C2CD2: variants seen among roughly 807,000 people sequenced by gnomAD.
C2CD2 encodes the protein C2 domain-containing protein 2.
C2CD2 carries 43 observed loss-of-function variants against 74.3 expected under a neutral mutation model. That is an observed-to-expected ratio of 0.58 (90% CI 0.45 to 0.75). C2CD2 has a LOEUF of 0.75. C2CD2 is among the 30% of genes least tolerant of loss of function. C2CD2 has a pLI of 0.00. For synonymous variants in C2CD2, 422 were observed against 390.7 expected, an observed-to-expected ratio of 1.08 and a Z score of -0.94; for missense variants, 801 against 916.3, an observed-to-expected ratio of 0.87 and a Z score of 1.63.
intron 7 of C2CD2, among the ~76,000 whole-genome samples, chr21:41,910,592 T>C: frequency 6.6e-6 from 1 of 152,212 alleles, no homozygotes; most frequent in East Asian, 1.9e-4. Flanking sequence ...CAGAAGTTTA[T>C]GGCCATTGGT....
rs2065467496 is a variant in C2CD2, at chr21:41,953,468, C to G, written c.181G>C (p.Asp61His). Residue 61 changes from aspartate (D) to histidine (H), a missense_variant, in exon 1 of 14, where the codon GAC (aspartate) becomes CAC (histidine). Asp to His is a moderately conservative substitution (Grantham distance 81). Coordinates refer to ENST00000380486, the MANE Select transcript of C2CD2 (RefSeq NM_015500.2). The part of the protein sequence containing the change: ...EPGEGPRPGS[D>H]ALLSWILTLG... ...GTCAGGATCCAGGAGAGCAGCGCGT[C>G]GGACCCCGGGCGCGGCCCCTCTCCA... The G allele has an allele frequency of 1.3e-6, 2 of 1,486,514 alleles. No individual in the cohort carries two copies. Among genetic ancestry groups the G allele is most frequent in the Non-Finnish European group, 1.8e-6 (2 of 1,115,522 alleles). The allele number at this position is 1,486,514 out of a possible 1,614,324, so 92.1% of individuals were successfully genotyped here.
In C2CD2 at chr21:41,889,025, C is replaced by T. The variant is rs1377556066; in HGVS notation, c.*99G>A. 6 of 849,304 alleles carry T rather than the reference C, an allele frequency of 7.1e-6. No homozygotes were observed. Among genetic ancestry groups the T allele is most frequent in the African/African-American group, 3.3e-5 (2 of 59,760 alleles). The allele number at this position is 849,304 out of a possible 1,614,324, so 52.6% of individuals were successfully genotyped here. A position where few individuals can be genotyped will look rare whatever the true frequency, so the allele number is the denominator to read the frequency against. On this transcript the variant is annotated 3_prime_UTR_variant, in exon 14 of 14. Transcript: ENST00000380486. The stretch of plus-strand genomic sequence containing the variant: ...GTTGGAAGAAACCCAGCAAGACAAG[C>T]GGGGCATCTGGACATCCGGCGGACA...
rs542255479 is a variant in C2CD2 at position 41,906,970 on chromosome 21, G to A, written c.1318+22C>T. 1.6e-5 allele frequency: 26 copies of A among 1,601,120 alleles called. 1 individual carries two copies. The highest frequency in any genetic ancestry group is 4.5e-5 in the East Asian group (2 of 44,686). ...GCAGGCGTCATGCAGAAAGTTCCTC[G>A]ACTGCGTTCCTGTTGTCTCACCAGA... On this transcript the variant is annotated intron_variant, in intron 10 of 13. Transcript: ENST00000380486.
chr21:41,893,614 G>A (rs1029269067), intron 13 of C2CD2, among the ~76,000 whole-genome samples: 1 of 151,938 alleles, frequency 6.6e-6, no homozygotes, highest in Non-Finnish European at 1.5e-5. Context: ...ACACCCTACC[G>A]AGAGGGGCTG....
chr21:41,912,363 G>C lies in C2CD2; in HGVS notation c.922C>G (p.Pro308Ala), dbSNP rs1308297851. 3 of 1,612,046 alleles carry C rather than the reference G, an allele frequency of 1.9e-6. No homozygotes were observed. The highest frequency in any genetic ancestry group is 2.5e-6 in the Non-Finnish European group (3 of 1,179,526). The change falls in exon 7 of 14, where the codon CCG (proline) becomes GCG (alanine). Residue 308 changes from proline to alanine, a missense_variant. Physicochemically the swap from Pro to Ala is conservative, Grantham distance 27 (BLOSUM62 -1). Coordinates refer to ENST00000380486, the MANE Select transcript of C2CD2 (RefSeq NM_015500.2). ...AATTCCTCTTCCCACATGAGGTCCG[G>C]AGTGTTTTTCGTCAGGGTGCTGGAG... ...RFSSTLTKNT[P>A]DLMWEEEFTF...
At chr21:41,935,433 T>A (rs1391045459) in intron 2 of C2CD2, among the ~76,000 whole-genome samples, 1 of 152,218 alleles carries the variant, frequency 6.6e-6, no homozygotes, top group Non-Finnish European at 1.5e-5. Flanking sequence ...GATTTTATGA[T>A]AATAGCGGAA....
chr21:41,944,204 T>C (rs537463454), intron 1 of C2CD2, among the ~76,000 whole-genome samples: 14 of 152,206 alleles, frequency 9.2e-5, no homozygotes, highest in South Asian at 2.1e-4. Context: ...TGCTACCTTC[T>C]GAATTCAAAC....
At chr21:41,904,247 G>C (rs1429673241) in intron 11 of C2CD2, among the ~76,000 whole-genome samples, 1 of 152,168 alleles carries the variant, frequency 6.6e-6, no homozygotes, top group East Asian at 1.9e-4. Context: ...ATGACAGTTT[G>C]CAACTGCCAT....
intron 13 of C2CD2, among the ~76,000 whole-genome samples, chr21:41,898,747 A>G (rs177933): frequency 0.4 from 61,306 of 152,092 alleles, 12,704 homozygotes; most frequent in African/African-American, 0.48. Flanking sequence ...CATTGTGTAC[A>G]GCTCTTGGTA....
chr21:41,914,144 TGAACC>T (rs776400473), intron 6 of C2CD2, among the ~76,000 whole-genome samples: 3 of 152,064 alleles, frequency 2.0e-5, no homozygotes, highest in Non-Finnish European at 4.4e-5. Context: ...GAGAATCGCT[TGAACC>T]CAGGAGGTGG....
intron 3 of C2CD2, among the ~76,000 whole-genome samples, chr21:41,919,885 G>A (rs1258762293): frequency 2.0e-5 from 3 of 152,212 alleles, no homozygotes; most frequent in African/African-American, 7.2e-5. Context: ...TCAAGATGGG[G>A]AGATGACCCT....
At chr21:41,932,581 GAC>G (rs904276699) in intron 2 of C2CD2, among the ~76,000 whole-genome samples, 2 of 150,534 alleles carry the variant, frequency 1.3e-5, no homozygotes, top group Non-Finnish European at 3.0e-5. Flanking sequence ...TGAACTGTAG[GAC>G]ACCCAGTTGG....
In C2CD2 at chr21:41,926,501, C is replaced by A; in HGVS notation, c.379-4416G>T. The A allele has an allele frequency of 5.8e-6, 4 of 690,976 alleles. No individual in the cohort carries two copies. Among genetic ancestry groups the A allele is most frequent in the Non-Finnish European group, 7.1e-6 (4 of 561,298 alleles). The allele number at this position is 690,976 out of a possible 1,614,324, so 42.8% of individuals were successfully genotyped here. On this transcript the variant is annotated intron_variant, in intron 2 of 13. Coordinates refer to ENST00000380486, the MANE Select transcript of C2CD2 (RefSeq NM_015500.2). The surrounding 1 kb of genome is among the most constrained non-coding windows in gnomAD (Gnocchi z 8.0). ...ACTGAAGGCTGAAGAGCAGGCTGAG[C>A]GGGGAGGCCTTCATTCACCTTCTCG...
At chr21:41,893,339 C>G (rs2064779545) in intron 13 of C2CD2, among the ~76,000 whole-genome samples, 2 of 152,012 alleles carry the variant, frequency 1.3e-5, no homozygotes, top group African/African-American at 4.8e-5. Flanking sequence ...TGCACTCCAG[C>G]CTGGGTGACA....
chr21:41,907,110 A>G lies in C2CD2; in HGVS notation c.1200T>C (p.Pro400=). Residue 400 remains proline, a synonymous_variant, in exon 10 of 14, where the codon CCT becomes CCC. Transcript: ENST00000380486. ...LKSWPIPPPV[P]AAKIEKDRTV... is the part of the protein sequence containing the mutation. ...TGCGGTCCTTTTCTATTTTTGCAGC[A>G]GGAACAGGGGGAGGGATGGGCCAGG... is the stretch of plus-strand genomic sequence containing the variant. The G allele has an allele frequency of 6.2e-7, 1 of 1,614,080 alleles. No homozygotes were observed. The highest frequency in any genetic ancestry group is 8.5e-7 in the Non-Finnish European group (1 of 1,179,894).
intron 5 of C2CD2, among the ~76,000 whole-genome samples, chr21:41,917,138 G>A (rs2065101325): frequency 6.6e-6 from 1 of 152,206 alleles, no homozygotes; most frequent in Non-Finnish European, 1.5e-5. Context: ...GGCTTCGGGA[G>A]GGTGATGGTG....
intron 2 of C2CD2, among the ~76,000 whole-genome samples, chr21:41,941,223 C>T (rs904361533): frequency 9.9e-5 from 15 of 152,142 alleles, no homozygotes; most frequent in East Asian, 7.7e-4. Context: ...TAGCCAGGCA[C>T]GGTGACACGT....
Position 41,914,680 on chromosome 21 carries a change from A to C in C2CD2, c.762T>G (p.Pro254=), listed in dbSNP as rs1189539579. The C allele has an allele frequency of 6.2e-7, 1 of 1,613,576 alleles. No individual in the cohort carries two copies. Among genetic ancestry groups the C allele is most frequent in the East Asian group, 2.2e-5 (1 of 44,876 alleles). The change falls in exon 6 of 14, where the codon CCT becomes CCG. Residue 254 remains proline, a synonymous_variant. Transcript: ENST00000380486. ...GCTCGTGAGCCCTTGGAGGTTTAGG[A>C]GGACAGGATTCCTGAGCAGTAGATG... ...CAASTAQESC[P]PKPPRAHELK...
rs181542907 is a variant in C2CD2, at chr21:41,945,542, G to T, written c.280-3297C>A. ...TGGGCTTGATGGAAGAACACAAGAGGCTACTCTCAAAGGAGCACCCTGATG... is the reference window on the plus strand; with the variant it reads ...TGGGCTTGATGGAAGAACACAAGAGTCTACTCTCAAAGGAGCACCCTGATG... On this transcript the variant is annotated intron_variant, in intron 1 of 13. Transcript: ENST00000380486. The surrounding 1 kb of genome is among the most constrained non-coding windows in gnomAD (Gnocchi z 4.2). Among the ~76,000 whole-genome samples, 169 of 152,152 alleles carry T rather than the reference G, an allele frequency of 1.1e-3. No individual in the cohort carries two copies. Among genetic ancestry groups the T allele is most frequent in the Non-Finnish European group, 1.4e-3 (96 of 68,004 alleles).
Sources: gnomAD v4.1 joint callset for allele counts (sites outside exome capture counted in the v4.1 genomes callset) on GRCh38, gnomAD v4.1.1 for gene constraint, Gnocchi (gnomAD v3.1) non-coding constraint, MANE v1.5 for transcripts, NCBI Gene and HGNC (gene_info 2026-07-23, HGNC 2026-07-21) for gene names.